NOS1AP: variants seen among roughly 807,000 people sequenced by gnomAD.
The protein encoded by NOS1AP is carboxyl-terminal PDZ ligand of neuronal nitric oxide synthase protein.
A neutral mutation model predicts 56.2 loss-of-function variants in NOS1AP; 21 were observed. The observed-to-expected ratio is 0.37, with a 90% CI of 0.26 to 0.54. NOS1AP has a LOEUF of 0.54. NOS1AP is among the 20% of genes least tolerant of loss of function. The pLI is 0.84. For synonymous variants in NOS1AP, 270 were observed against 274.6 expected (o/e 0.98, Z 0.17); for missense variants, 522 against 657.8 (o/e 0.79, Z 2.26).
chr1:162,165,584 T>C (rs1016144612), intron 2 of NOS1AP, among the ~76,000 whole-genome samples: 6 of 152,186 alleles, frequency 3.9e-5, no homozygotes, highest in Admixed American at 1.3e-4. Flanking sequence ...GAATCTAGGA[T>C]TCACTTCTAA....
intron 2 of NOS1AP, among the ~76,000 whole-genome samples, chr1:162,175,737 A>G (rs1451073141): frequency 6.6e-6 from 1 of 152,128 alleles, no homozygotes; most frequent in Non-Finnish European, 1.5e-5. Context: ...ACCCATGAAT[A>G]TTTCTATATG....
At chr1:162,281,353 ACATTCATTTAT>A (rs1336310321) in intron 2 of NOS1AP, among the ~76,000 whole-genome samples, 2 of 152,182 alleles carry the variant, frequency 1.3e-5, no homozygotes, top group Non-Finnish European at 2.9e-5. Flanking sequence ...CATTACTTTG[ACATTCATTTAT>A]CACCCTCCTA....
At chr1:162,147,907 A>G (rs1649548257) in intron 1 of NOS1AP, among the ~76,000 whole-genome samples, 1 of 152,132 alleles carries the variant, frequency 6.6e-6, no homozygotes, top group Non-Finnish European at 1.5e-5. Context: ...GCCCTGTTTG[A>G]TGTCTCACAG....
At position 162,101,192 on chromosome 1, in the gene NOS1AP, G is replaced by A. The variant is rs138306512; in HGVS notation, c.105+30910G>A. The stretch of plus-strand genomic sequence containing the variant: ...CAACCAGCACCATTTATTAAATAGG[G>A]AATCTTTTCCCCATTGTTTGTTTTT... On this transcript the variant is annotated intron_variant, in intron 1 of 9. Transcript: ENST00000361897. Among the ~76,000 whole-genome samples the A allele has an allele frequency of 4.5e-3, 687 of 152,222 alleles. 7 individuals carry two copies. Among genetic ancestry groups the A allele is most frequent in the African/African-American group, 0.015 (640 of 41,544 alleles).
chr1:162,343,268 G>A (rs181977332), intron 5 of NOS1AP, among the ~76,000 whole-genome samples: 7 of 152,292 alleles, frequency 4.6e-5, no homozygotes, highest in East Asian at 1.9e-4. Context: ...ACCCAAGAAC[G>A]TGAGGTCTTT....
intron 7 of NOS1AP, among the ~76,000 whole-genome samples, chr1:162,355,642 A>G (rs1364129737): frequency 2.6e-5 from 4 of 151,824 alleles, no homozygotes; most frequent in Non-Finnish European, 5.9e-5. Flanking sequence ...CCTTAACAGC[A>G]TCTCATCTTT....
intron 1 of NOS1AP, among the ~76,000 whole-genome samples, chr1:162,071,632 G>C (rs966698156): frequency 3.3e-5 from 5 of 152,184 alleles, no homozygotes; most frequent in Non-Finnish European, 7.3e-5. Context: ...GGCTGGGACA[G>C]AGTGGGGCTG....
At chr1:162,295,806 C>G (rs1316505112) in intron 3 of NOS1AP, among the ~76,000 whole-genome samples, 1 of 152,146 alleles carries the variant, frequency 6.6e-6, no homozygotes, top group Non-Finnish European at 1.5e-5. Flanking sequence ...GGAGTCAGCA[C>G]TAGTCCAAAC....
chr1:162,126,991 G>A (rs56188060), intron 1 of NOS1AP, among the ~76,000 whole-genome samples: 1 of 152,292 alleles, frequency 6.6e-6, no homozygotes, highest in East Asian at 1.9e-4. Context: ...GTGAGAAATA[G>A]TATCCCTGTA....
chr1:162,123,145 A>C (rs1648312501), intron 1 of NOS1AP, among the ~76,000 whole-genome samples: 1 of 152,202 alleles, frequency 6.6e-6, no homozygotes, highest in Non-Finnish European at 1.5e-5. Flanking sequence ...TCCAAGCTTT[A>C]CTGATTTTTA....
At chr1:162,302,837 C>A (rs1160759174) in intron 4 of NOS1AP, among the ~76,000 whole-genome samples, 3 of 152,196 alleles carry the variant, frequency 2.0e-5, no homozygotes, top group African/African-American at 7.2e-5. Flanking sequence ...TCCCCACATC[C>A]CCAAGCGACC....
chr1:162,276,524 T>TAAA lies in NOS1AP; in HGVS notation c.178-10806_178-10804dup, dbSNP rs200334461. ...GCTCATGAGAATCACCTGGGTAGCT[T>TAAA]AAAAAAAAAAAAAAAAGCCCAATGT... On this transcript the variant is annotated intron_variant, in intron 2 of 9. Coordinates refer to ENST00000361897, the MANE Select transcript of NOS1AP (RefSeq NM_014697.3). 2.0e-4 allele frequency among the ~76,000 whole-genome samples: 26 copies of TAAA among 129,268 alleles called. No individual in the cohort carries two copies. In the East Asian group the frequency reaches 4.8e-3, roughly 24 times the overall value. 84.8% of individuals were successfully genotyped at this position (129,268 alleles called of 152,430 possible).
At position 162,350,896 on chromosome 1, in the gene NOS1AP, A is replaced by G. The variant is rs140980077; in HGVS notation, c.596-4291A>G. ...TTGAGCATCCTTAATCTGAAAATCCAAAATCTGAAATGCTCCAAGATCGGT... is the reference window on the plus strand; with the variant it reads ...TTGAGCATCCTTAATCTGAAAATCCGAAATCTGAAATGCTCCAAGATCGGT... On this transcript the variant is annotated intron_variant, in intron 6 of 9. Transcript: ENST00000361897. Among the ~76,000 whole-genome samples the G allele has an allele frequency of 8.3e-3, 1,268 of 152,316 alleles. 14 individuals are homozygous for G. Among genetic ancestry groups the G allele is most frequent in the South Asian group, 0.032 (154 of 4,822 alleles).
At chr1:162,127,501 G>T (rs1648541517) in intron 1 of NOS1AP, among the ~76,000 whole-genome samples, 1 of 146,216 alleles carries the variant, frequency 6.8e-6, no homozygotes, top group Non-Finnish European at 1.5e-5. Context: ...TTGCCATAAA[G>T]AAATAACCTG....
At chr1:162,353,358 C>T (rs1354600172) in intron 6 of NOS1AP, among the ~76,000 whole-genome samples, 1 of 152,166 alleles carries the variant, frequency 6.6e-6, no homozygotes, top group African/African-American at 2.4e-5. Context: ...TGCCTCTCTG[C>T]CCCTGCCCCC....
At chr1:162,189,813 C>G (rs1446347065) in intron 2 of NOS1AP, among the ~76,000 whole-genome samples, 2 of 152,192 alleles carry the variant, frequency 1.3e-5, no homozygotes, top group Non-Finnish European at 2.9e-5. Flanking sequence ...CTGGGAAGTC[C>G]TCTCTGAGGA....
chr1:162,356,227 G>T (rs1657700867), intron 7 of NOS1AP, among the ~76,000 whole-genome samples: 1 of 152,150 alleles, frequency 6.6e-6, no homozygotes, highest in Non-Finnish European at 1.5e-5. Flanking sequence ...CAGCAGAACT[G>T]CCAGAAACAA....
intron 2 of NOS1AP, among the ~76,000 whole-genome samples, chr1:162,218,004 CA>C (rs1652639406): frequency 1.3e-5 from 2 of 152,292 alleles, no homozygotes; most frequent in Middle Eastern, 6.8e-3. Flanking sequence ...CTTCTTGCTA[CA>C]GATGAAGAAA....
chr1:162,236,293 C>T (rs569542063), intron 2 of NOS1AP, among the ~76,000 whole-genome samples: 1 of 152,306 alleles, frequency 6.6e-6, no homozygotes, highest in African/African-American at 2.4e-5. Context: ...CTACCATTTT[C>T]CTTGGTCACT....
Sources: gnomAD v4.1 joint callset for allele counts (sites outside exome capture counted in the v4.1 genomes callset) on GRCh38, gnomAD v4.1.1 for gene constraint, MANE v1.5 for transcripts, NCBI Gene and HGNC (gene_info 2026-07-23, HGNC 2026-07-21) for gene names.